Variants in MAP2K5 observed in about 807,000 individuals in gnomAD.
MAP2K5 encodes dual specificity mitogen-activated protein kinase kinase 5.
A neutral mutation model predicts 83.1 loss-of-function variants in MAP2K5; 49 were observed. That is an observed-to-expected ratio of 0.59 (90% confidence interval 0.47 to 0.75). The LOEUF (loss-of-function observed/expected upper bound fraction) is 0.75, where lower values mean the gene tolerates loss of function less well. Among genes scored for constraint, MAP2K5 ranks in the 30% least tolerant of loss-of-function variants. MAP2K5 has a pLI of 0.00. For missense variants in MAP2K5, 457 were observed against 557.5 expected (o/e 0.82, Z 1.82); for synonymous variants, 202 against 191.8 (o/e 1.05, Z -0.44).
intron 13 of MAP2K5, among the ~76,000 whole-genome samples, chr15:67,673,039 G>C (rs2087585450): frequency 6.6e-6 from 1 of 152,142 alleles, no homozygotes; most frequent in South Asian, 2.1e-4. Flanking sequence ...TTTGGTACCA[G>C]TACCATGCTG....
chr15:67,556,359 A>C (rs1270819808), intron 2 of MAP2K5, among the ~76,000 whole-genome samples: 2 of 152,264 alleles, frequency 1.3e-5, no homozygotes, highest in East Asian at 1.9e-4. Flanking sequence ...TGTCATGCTT[A>C]GAAAGGTCTT....
intron 12 of MAP2K5, among the ~76,000 whole-genome samples, chr15:67,659,801 T>C (rs1186129821): frequency 2.6e-5 from 4 of 152,068 alleles, no homozygotes; most frequent in Admixed American, 6.6e-5. Context: ...TTGGCAAAAA[T>C]AGAAATCTGC....
intron 8 of MAP2K5, among the ~76,000 whole-genome samples, chr15:67,605,059 C>CT (rs970873039): frequency 1.5e-3 from 209 of 140,032 alleles, no homozygotes; most frequent in Middle Eastern, 3.7e-3. Flanking sequence ...GGACTCTTTT[C>CT]TTTTTTTTTT....
At position 67,600,695 on chromosome 15, in the gene MAP2K5, A is replaced by G. The variant is rs752149480; in HGVS notation, c.491A>G (p.Gln164Arg). The change falls in exon 8 of 22, where the codon CAA becomes CGA. Residue 164 changes from glutamine (Q) to arginine (R), a missense_variant. Gln to Arg is a conservative substitution (Grantham distance 43, BLOSUM62 1). Transcript: ENST00000178640. ...KILANGQMNE[Q>R]DIRYRDTLGH... ...TTCTTTCTTGTGGAGATGAATGAACAAGACATACGATATCGGGACACTCTT... is the reference window on the plus strand; with the variant it reads ...TTCTTTCTTGTGGAGATGAATGAACGAGACATACGATATCGGGACACTCTT... The G allele has an allele frequency of 6.2e-7, 1 of 1,609,838 alleles. No homozygotes were observed. Among genetic ancestry groups the G allele is most frequent in the Non-Finnish European group, 8.5e-7 (1 of 1,178,754 alleles).
rs2088310224 is a variant in MAP2K5 at position 67,698,025 on chromosome 15, G to A, written c.972+4457G>A. On this transcript the variant is annotated intron_variant, in intron 15 of 21. Coordinates refer to ENST00000178640, the MANE Select transcript of MAP2K5 (RefSeq NM_145160.3). The surrounding 1 kb of genome is among the most constrained non-coding windows in gnomAD (Gnocchi z 4.5). ...TGGAAAAGTGAAGTGTCATGCTCAAGGAAATACTGTTTTTTAGGGGCAGAT... is the reference window on the plus strand; with the variant it reads ...TGGAAAAGTGAAGTGTCATGCTCAAAGAAATACTGTTTTTTAGGGGCAGAT... Among the ~76,000 whole-genome samples, 1 of 152,028 alleles carries A rather than the reference G, an allele frequency of 6.6e-6. No individual in the cohort carries two copies. The highest frequency in any genetic ancestry group is 1.5e-5 in the Non-Finnish European group (1 of 67,998).
rs1034440025 is a variant in MAP2K5, at chr15:67,668,348, T to C, written c.847+3703T>C. Among the ~76,000 whole-genome samples the C allele has an allele frequency of 6.6e-6, 1 of 152,014 alleles. No individual in the cohort carries two copies. Among genetic ancestry groups the C allele is most frequent in the Non-Finnish European group, 1.5e-5 (1 of 68,012 alleles). On this transcript the variant is annotated intron_variant, in intron 13 of 21. Transcript: ENST00000178640. The surrounding 1 kb of genome is among the most constrained non-coding windows in gnomAD (Gnocchi z 4.0). Reference sequence around the variant, plus strand: ...AAACCAAACGTGTGATAATTCCACATGAGGACATAATCATTAAAAATGTTT... The same window carrying C: ...AAACCAAACGTGTGATAATTCCACACGAGGACATAATCATTAAAAATGTTT...
chr15:67,597,667 A>G (rs140983819), intron 7 of MAP2K5, among the ~76,000 whole-genome samples: 1,815 of 152,342 alleles, frequency 0.012, 47 homozygotes, highest in African/African-American at 0.041. Flanking sequence ...TGAAAAAAGC[A>G]GAAATACTAC....
At chr15:67,613,308 G>A (rs1423296500) in intron 8 of MAP2K5, among the ~76,000 whole-genome samples, 1 of 152,126 alleles carries the variant, frequency 6.6e-6, no homozygotes, top group Non-Finnish European at 1.5e-5. Context: ...CTATTCCTAA[G>A]ACAATTCAAA....
chr15:67,557,078 C>G (rs1026070919), intron 2 of MAP2K5, among the ~76,000 whole-genome samples: 2 of 152,188 alleles, frequency 1.3e-5, no homozygotes, highest in African/African-American at 2.4e-5. Flanking sequence ...AAGAGCTTGA[C>G]ATTCATATAG....
chr15:67,753,336 G>A (rs1331426633), intron 19 of MAP2K5, among the ~76,000 whole-genome samples: 1 of 152,060 alleles, frequency 6.6e-6, no homozygotes, highest in Non-Finnish European at 1.5e-5. Flanking sequence ...AAAAACAAAA[G>A]AAGGGCTTTA....
At chr15:67,635,236 A>C (rs1596693135) in intron 9 of MAP2K5, among the ~76,000 whole-genome samples, 1 of 144,022 alleles carries the variant, frequency 6.9e-6, no homozygotes, top group Non-Finnish European at 1.5e-5. Context: ...CCTAGGCTGG[A>C]GTGCAGTGGT....
chr15:67,734,025 C>T (rs141754151), intron 17 of MAP2K5, among the ~76,000 whole-genome samples: 2 of 152,334 alleles, frequency 1.3e-5, no homozygotes, highest in Non-Finnish European at 2.9e-5. Context: ...TTACCAATAA[C>T]ATTTGTTTGA....
At chr15:67,756,627 A>C (rs2089843658) in intron 19 of MAP2K5, among the ~76,000 whole-genome samples, 1 of 151,062 alleles carries the variant, frequency 6.6e-6, no homozygotes, top group African/African-American at 2.4e-5. Flanking sequence ...TATTAATTAT[A>C]CTCACCATGC....
intron 13 of MAP2K5, among the ~76,000 whole-genome samples, chr15:67,671,376 T>C (rs1490523440): frequency 6.6e-6 from 1 of 152,178 alleles, no homozygotes; most frequent in Non-Finnish European, 1.5e-5. Flanking sequence ...TTTAAGGTAT[T>C]CCTTCAAAGT....
At chr15:67,792,771 A>C (rs1334696907) in intron 21 of MAP2K5, among the ~76,000 whole-genome samples, 6 of 152,218 alleles carry the variant, frequency 3.9e-5, no homozygotes, top group African/African-American at 1.4e-4. Flanking sequence ...ATAAATCTTA[A>C]AAGTAATCAA....
At chr15:67,740,202 A>T (rs1020821301) in intron 17 of MAP2K5, among the ~76,000 whole-genome samples, 1 of 152,200 alleles carries the variant, frequency 6.6e-6, no homozygotes, top group African/African-American at 2.4e-5. Flanking sequence ...TTTGGGTCCT[A>T]GAGTCTAGTA....
intron 15 of MAP2K5, among the ~76,000 whole-genome samples, chr15:67,696,115 A>G (rs2088247615): frequency 8.1e-6 from 1 of 123,460 alleles, no homozygotes; most frequent in South Asian, 2.8e-4. Flanking sequence ...CTCTTGAGAG[A>G]AAAGAGCTGA....
At chr15:67,692,847 G>A (rs1287913895) in intron 14 of MAP2K5, among the ~76,000 whole-genome samples, 1 of 152,190 alleles carries the variant, frequency 6.6e-6, no homozygotes, top group African/African-American at 2.4e-5. Context: ...CCAGACAAAA[G>A]GGAGGGCAGA....
intron 16 of MAP2K5, among the ~76,000 whole-genome samples, chr15:67,726,928 A>G (rs1019859213): frequency 6.6e-6 from 1 of 152,172 alleles, no homozygotes; most frequent in Non-Finnish European, 1.5e-5. Flanking sequence ...GCCAGGTTCA[A>G]TGGCTTAGCC....
Sources: gnomAD v4.1 joint callset for allele counts (sites outside exome capture counted in the v4.1 genomes callset) on GRCh38, gnomAD v4.1.1 for gene constraint, Gnocchi (gnomAD v3.1) non-coding constraint, MANE v1.5 for transcripts, NCBI Gene and HGNC (gene_info 2026-07-23, HGNC 2026-07-21) for gene names.